SMC1A: variants seen among roughly 807,000 people sequenced by gnomAD.
SMC1A encodes the protein structural maintenance of chromosomes 1A, also known as structural maintenance of chromosomes protein 1A.
In SMC1A, 4 loss-of-function variants were observed where a neutral mutation model predicts 94.5. That is an observed-to-expected ratio of 0.04 (90% CI 0.02 to 0.10). The LOEUF (loss-of-function observed/expected upper bound fraction) is 0.10, where lower values mean the gene tolerates loss of function less well. Ranked by LOEUF, SMC1A falls within the 10% of genes least tolerant of loss-of-function variation. SMC1A has a pLI of 1.00. For synonymous variants in SMC1A, 345 were observed against 347.7 expected (o/e 0.99, Z 0.09); for missense variants, 304 against 989.0 (o/e 0.31, Z 9.29).
intron 19 of SMC1A, among the ~76,000 whole-genome samples, chrX:53,386,546 C>T (rs1396069089): frequency 4.5e-5 from 5 of 111,178 alleles, no homozygotes; most frequent in African/African-American, 6.5e-5. Flanking sequence ...TGAAGTATCA[C>T]GACCACACTT....
Position 53,380,613 on chromosome X carries a change from G to A in SMC1A, c.3618+7C>T, listed in dbSNP as rs782267492. 15 of 1,133,321 alleles carry A rather than the reference G, an allele frequency of 1.3e-5. No homozygotes were observed. Among genetic ancestry groups the A allele is most frequent in the South Asian group, 7.3e-5 (4 of 54,683 alleles). The allele number at this position is 1,133,321 out of a possible 1,213,427, so 93.4% of individuals were successfully genotyped here. ...TAGGACTGGCTCCTGAGCCAGGCCC[G>A]CCCTACCTCAGGATAGACTCCAATG... is the stretch of plus-strand genomic sequence containing the variant. On this transcript the variant is annotated splice_region_variant and intron_variant, in intron 24 of 24. Coordinates refer to ENST00000322213, the MANE Select transcript of SMC1A (RefSeq NM_006306.4).
At chrX:53,420,182 G>A (rs2075749226) in intron 1 of SMC1A, among the ~76,000 whole-genome samples, 1 of 112,040 alleles carries the variant, frequency 8.9e-6, no homozygotes, top group African/African-American at 3.2e-5. Flanking sequence ...TGTATAAAAC[G>A]AAGCTATTGG....
intron 19 of SMC1A, among the ~76,000 whole-genome samples, chrX:53,389,084 A>G (rs2075616934): frequency 9.3e-6 from 1 of 107,142 alleles, no homozygotes; most frequent in Admixed American, 1.0e-4. Flanking sequence ...CTACCCACTT[A>G]CAAGAACTAC....
rs1556888082 is a variant in SMC1A, at chrX:53,396,621, G to T, written c.2563-4C>A. 8.3e-7 allele frequency: 1 copy of T among 1,205,359 alleles called. No individual in the cohort carries two copies. Among genetic ancestry groups the T allele is most frequent in the Non-Finnish European group, 1.1e-6 (1 of 893,810 alleles). On this transcript the variant is annotated splice_region_variant and splice_polypyrimidine_tract_variant and intron_variant, in intron 16 of 24. Transcript: ENST00000322213. Reference sequence around the variant, plus strand: ...TCTTCATGTGTCTTTGTTCCTCCTGGTCCCAGCAGTGGGAACAGGACAATA... The same window carrying T: ...TCTTCATGTGTCTTTGTTCCTCCTGTTCCCAGCAGTGGGAACAGGACAATA...
intron 18 of SMC1A, 60 bp from the exon 19 acceptor site, chrX:53,394,948 G>C (rs1340177603): frequency 1.8e-4 from 125 of 685,154 alleles, no homozygotes; most frequent in Non-Finnish European, 2.5e-4. Flanking sequence ...ACCTCTATAG[G>C]GAGCTCCTTT....
intron 7 of SMC1A, among the ~76,000 whole-genome samples, chrX:53,409,999 C>A (rs782636011): frequency 8.9e-6 from 1 of 112,216 alleles, no homozygotes; most frequent in African/African-American, 3.2e-5. Flanking sequence ...AAGTGATCCA[C>A]CACGCCTGGC....
chrX:53,380,435 C>T, intron 24 of SMC1A, among the ~76,000 whole-genome samples, 185 bp downstream of exon 24: 1 of 111,715 alleles, frequency 9.0e-6, no homozygotes, highest in Non-Finnish European at 1.9e-5. Flanking sequence ...TCCCCAAATG[C>T]AATGGCCCTG....
chrX:53,398,183 CAA>C (rs10543081), intron 16 of SMC1A, among the ~76,000 whole-genome samples: 4 of 58,401 alleles, frequency 6.8e-5, no homozygotes, highest in African/African-American at 2.6e-4. Context: ...AACTGAGTCT[CAA>C]AAAAAAAAAA....
At chrX:53,420,565 G>A (rs1215363128) in intron 1 of SMC1A, among the ~76,000 whole-genome samples, 1 of 110,104 alleles carries the variant, frequency 9.1e-6, no homozygotes, top group Non-Finnish European at 1.9e-5. Flanking sequence ...AAAAAACAGG[G>A]TCCCAATAAA....
chrX:53,411,750 C>G lies in SMC1A; in HGVS notation c.1254+11G>C, dbSNP rs144354524. ...TGGACCATCATCCCTAATCTTATAACTATAGCCCACCTCTGTCTCTACTTT... is the reference window on the plus strand; with the variant it reads ...TGGACCATCATCCCTAATCTTATAAGTATAGCCCACCTCTGTCTCTACTTT... On this transcript the variant is annotated intron_variant, in intron 7 of 24. Coordinates refer to ENST00000322213, the MANE Select transcript of SMC1A (RefSeq NM_006306.4). 644 of 1,208,179 alleles carry G rather than the reference C, an allele frequency of 5.3e-4. 2 individuals carry two copies. In the African/African-American group the frequency reaches 9.3e-3, roughly 17 times the overall value.
chrX:53,405,293 T>C lies in SMC1A; in HGVS notation c.2010A>G (p.Ala670=), dbSNP rs782612220. Residue 670 remains alanine (A), a synonymous_variant, in exon 12 of 25, where the codon GCA becomes GCG. Coordinates refer to ENST00000322213, the MANE Select transcript of SMC1A (RefSeq NM_006306.4). ...CCTTCTTCTCTTTCAACTTGTCTAC[T>C]GCTTTCTCATCCCAGCGCCGTGCCT... ...KAKARRWDEK[A]VDKLKEKKER... 8.3e-7 allele frequency: 1 copy of C among 1,211,921 alleles called. No individual in the cohort carries two copies. Among genetic ancestry groups the C allele is most frequent in the South Asian group, 1.8e-5 (1 of 56,994 alleles).
intron 20 of SMC1A, 93 bp from the exon 21 acceptor site, chrX:53,382,753 G>A (rs1161811963): frequency 8.5e-6 from 9 of 1,058,500 alleles, no homozygotes; most frequent in Non-Finnish European, 1.2e-5. Context: ...CTGAGAGAGA[G>A]GAATGCCTGA....
Position 53,380,089 on chromosome X carries a change from G to A in SMC1A, c.*14C>T, listed in dbSNP as rs112727682. ...GCTTAGGGATCCAGACAGGGCGGGAGGGCAAAAATACTGCTACTGCTCATT... is the reference window on the plus strand; with the variant it reads ...GCTTAGGGATCCAGACAGGGCGGGAAGGCAAAAATACTGCTACTGCTCATT... On this transcript the variant is annotated 3_prime_UTR_variant, in exon 25 of 25. Transcript: ENST00000322213. 6,598 of 1,168,433 alleles carry A rather than the reference G, an allele frequency of 5.6e-3. 10 individuals carry two copies. Among genetic ancestry groups the A allele is most frequent in the Middle Eastern group, 0.014 (56 of 4,135 alleles).
rs898694245 is a variant in SMC1A at position 53,387,515 on chromosome X, G to A, written c.2974-4262C>T. Among the ~76,000 whole-genome samples, 9 of 111,731 alleles carry A rather than the reference G, an allele frequency of 8.1e-5. No homozygotes were observed. In the East Asian group the frequency reaches 2.0e-3, roughly 24 times the overall value. ...GCATTTTTCCTTCAACAAAAAAACCGCATTTAATAGCCCAATCTATTGAAA... is the reference window on the plus strand; with the variant it reads ...GCATTTTTCCTTCAACAAAAAAACCACATTTAATAGCCCAATCTATTGAAA... On this transcript the variant is annotated intron_variant, in intron 19 of 24. Coordinates refer to ENST00000322213, the MANE Select transcript of SMC1A (RefSeq NM_006306.4).
intron 1 of SMC1A, among the ~76,000 whole-genome samples, chrX:53,417,149 T>C (rs2075735322): frequency 9.0e-6 from 1 of 111,437 alleles, no homozygotes. Flanking sequence ...AGCAATACAA[T>C]ATAGAGGAAC....
rs2075574409 is a variant in SMC1A at position 53,379,716 on chromosome X, C to A, written c.*387G>T. The A allele has an allele frequency of 1.0e-5, 2 of 195,536 alleles. No individual in the cohort carries two copies. Among genetic ancestry groups the A allele is most frequent in the South Asian group, 2.7e-4 (2 of 7,328 alleles). 16.1% of individuals were successfully genotyped at this position (195,536 alleles called of 1,213,427 possible). ...TCCTTCTAAAACAGGTCTCCAATAT[C>A]CTTTATTATTTTGCAAACATACTCA... On this transcript the variant is annotated 3_prime_UTR_variant, in exon 25 of 25. Coordinates refer to ENST00000322213, the MANE Select transcript of SMC1A (RefSeq NM_006306.4).
chrX:53,392,426 C>G (rs1556887393), intron 19 of SMC1A, among the ~76,000 whole-genome samples: 1 of 110,496 alleles, frequency 9.1e-6, no homozygotes, highest in Non-Finnish European at 1.9e-5. Flanking sequence ...ACAAATTTCC[C>G]AGTCTGGATT....
At chrX:53,397,031 G>C (rs1556888161) in intron 16 of SMC1A, among the ~76,000 whole-genome samples, 1 of 107,892 alleles carries the variant, frequency 9.3e-6, no homozygotes, top group Non-Finnish European at 1.9e-5. Context: ...TCAAAACTTT[G>C]TCATGTGCAG....
chrX:53,417,760 G>A (rs782707148), intron 1 of SMC1A, among the ~76,000 whole-genome samples: 96 of 111,521 alleles, frequency 8.6e-4, no homozygotes, highest in Non-Finnish European at 1.4e-3. Context: ...AATAGTGGTA[G>A]TACAGGAGAA....
Sources: allele counts gnomAD v4.1 joint callset (sites outside exome capture counted in the v4.1 genomes callset), GRCh38; gene constraint gnomAD v4.1.1; transcripts MANE v1.5; gene names NCBI Gene and HGNC (gene_info 2026-07-23, HGNC 2026-07-21).